The following CDK13 variants were observed in gnomAD, a reference collection of about 807,000 sequenced individuals.
CDK13 encodes the protein cyclin-dependent kinase 13.
A neutral mutation model predicts 137.6 loss-of-function variants in CDK13; 40 were observed. The observed-to-expected ratio is 0.29, with a 90% confidence interval of 0.23 to 0.38. The LOEUF is 0.38. Ranked by LOEUF, CDK13 falls within the 10% of genes least tolerant of loss-of-function variation. The pLI is 1.00. For missense variants in CDK13, 1,704 were observed against 1,951.8 expected (o/e 0.87, Z 2.39); for synonymous variants, 869 against 760.1 (o/e 1.14, Z -2.36).
intron 1 of CDK13, chr7:39,952,894 G>A (rs1421230106): frequency 6.6e-6 from 1 of 152,100 alleles, no homozygotes; most frequent in Non-Finnish European, 1.5e-5. Context: ...ACTAAGCAAA[G>A]TGCATTAAAA....
At position 39,950,525 on chromosome 7, in the gene CDK13, C is replaced by G; in HGVS notation, c.-117C>G. ...GGATTATCGTGGCGCTTTTCCCGGC[C>G]GGCTCTGGTGCTCGGTGTCCCTCCG... On this transcript the variant is annotated 5_prime_UTR_variant, in exon 1 of 14. Coordinates refer to ENST00000181839, the MANE Select transcript of CDK13 (RefSeq NM_003718.5). The G allele has an allele frequency of 7.9e-7, 1 of 1,266,712 alleles. No homozygotes were observed. The highest frequency in any genetic ancestry group is 2.8e-5 in the South Asian group (1 of 35,836). 78.5% of individuals were successfully genotyped at this position (1,266,712 alleles called of 1,614,324 possible).
chr7:40,073,719 G>A (rs904856931), intron 9 of CDK13: 1 of 150,754 alleles, frequency 6.6e-6, no homozygotes, highest in Non-Finnish European at 1.5e-5. Flanking sequence ...AGCCTCCTGA[G>A]TAACTGGGAC....
rs1423231645 is a variant in CDK13 at position 40,094,651 on chromosome 7, G to A, written c.4210G>A (p.Val1404Ile). 2.5e-6 allele frequency: 4 copies of A among 1,614,066 alleles called. No individual in the cohort carries two copies. In the African/African-American group the frequency reaches 4.0e-5, roughly 16 times the overall value. Residue 1404 changes from valine to isoleucine, a missense_variant, in exon 14 of 14, where the codon GTA becomes ATA. By Grantham distance (29) the Val-to-Ile change is conservative (BLOSUM62 3). Transcript: ENST00000181839. The stretch of plus-strand genomic sequence containing the variant: ...CTTTTCTGAGTCATTTCCCAGTTCA[G>A]TAGCTGGATATGGAGACATTTACCT... ...SAFSESFPSSVAGYGDIYLNA... is the reference protein window; with the variant it reads ...SAFSESFPSSIAGYGDIYLNA...
intron 7 of CDK13, among the ~76,000 whole-genome samples, chr7:40,052,200 G>A (rs548524801): frequency 2.6e-4 from 39 of 152,190 alleles, no homozygotes; most frequent in South Asian, 6.2e-4. Flanking sequence ...TTTATGAGAC[G>A]GAGTCTCACT....
At chr7:39,992,161 A>C (rs530160604) in intron 2 of CDK13, among the ~76,000 whole-genome samples, 1 of 51,172 alleles carries the variant, frequency 2.0e-5, no homozygotes, top group Non-Finnish European at 5.2e-5. Flanking sequence ...AGAACTAATG[A>C]GGGTGTGTGT....
At chr7:39,959,817 C>T (rs1787551064) in intron 1 of CDK13, among the ~76,000 whole-genome samples, 1 of 147,176 alleles carries the variant, frequency 6.8e-6, no homozygotes, top group Non-Finnish European at 1.5e-5. Flanking sequence ...GCAAGACCTA[C>T]TTGTGTGTTA....
Position 39,950,501 on chromosome 7 carries a change from G to T in CDK13, c.-141G>T, listed in dbSNP as rs932490802. The T allele has an allele frequency of 7.9e-6, 10 of 1,265,174 alleles. No homozygotes were observed. Among genetic ancestry groups the T allele is most frequent in the Non-Finnish European group, 9.9e-6 (10 of 1,006,436 alleles). The allele number at this position is 1,265,174 out of a possible 1,614,324, so 78.4% of individuals were successfully genotyped here. The stretch of plus-strand genomic sequence containing the variant: ...ACCCAGGGACCCGAGTCCCGACCCG[G>T]ATTATCGTGGCGCTTTTCCCGGCCG... On this transcript the variant is annotated 5_prime_UTR_variant, in exon 1 of 14. Coordinates refer to ENST00000181839, the MANE Select transcript of CDK13 (RefSeq NM_003718.5).
Position 39,950,787 on chromosome 7 carries a change from T to G in CDK13, c.146T>G (p.Leu49Arg), listed in dbSNP as rs1378858299. The change falls in exon 1 of 14, where the codon CTG (leucine) becomes CGG (arginine). Residue 49 changes from leucine to arginine, a missense_variant. This residue lies in a region of CDK13 where 1,051 missense variants were observed against 931.0 expected (regional missense o/e 1.13). Coordinates refer to ENST00000181839, the MANE Select transcript of CDK13 (RefSeq NM_003718.5). ...TTGCCGCTCCTGCAGCCGCAGCTCC[T>G]GCAACCGCCGCCGCCCCCGCCGCCT... ...LLLPLLQPQL[L>R]QPPPPPPPLL... The G allele has an allele frequency of 6.8e-7, 1 of 1,468,522 alleles. No homozygotes were observed. Among genetic ancestry groups the G allele is most frequent in the South Asian group, 1.3e-5 (1 of 76,716 alleles). The allele number at this position is 1,468,522 out of a possible 1,614,324, so 91.0% of individuals were successfully genotyped here.
At chr7:39,991,370 A>G (rs2116283545) in intron 2 of CDK13, among the ~76,000 whole-genome samples, 1 of 152,342 alleles carries the variant, frequency 6.6e-6, no homozygotes, top group African/African-American at 2.4e-5. Context: ...AATGGTCTGC[A>G]TAATCTCATT....
At chr7:40,070,593 T>A (rs1278847375) in intron 9 of CDK13, 1 of 150,510 alleles carries the variant, frequency 6.6e-6, no homozygotes, top group Non-Finnish European at 1.5e-5. Context: ...GCACCTGTAA[T>A]CCCAGCCGCT....
At chr7:39,996,649 T>G (rs1438765312) in intron 2 of CDK13, among the ~76,000 whole-genome samples, 1 of 152,158 alleles carries the variant, frequency 6.6e-6, no homozygotes, top group Non-Finnish European at 1.5e-5. Context: ...TCATGTGCTT[T>G]CTTTTATTTC....
At chr7:40,069,124 T>G (rs1049703085) in intron 9 of CDK13, among the ~76,000 whole-genome samples, 1 of 152,108 alleles carries the variant, frequency 6.6e-6, no homozygotes, top group African/African-American at 2.4e-5. Flanking sequence ...GCCTGAGCTA[T>G]TGGGAGGCTG....
At chr7:40,031,702 G>A (rs1348209228) in intron 5 of CDK13, among the ~76,000 whole-genome samples, 1 of 151,710 alleles carries the variant, frequency 6.6e-6, no homozygotes, top group East Asian at 1.9e-4. Flanking sequence ...CTGGAGTGTG[G>A]TGGCACAATC....
At chr7:39,989,170 A>G (rs1784406840) in intron 2 of CDK13, among the ~76,000 whole-genome samples, 1 of 151,230 alleles carries the variant, frequency 6.6e-6, no homozygotes, top group African/African-American at 2.4e-5. Context: ...TTCTATTATG[A>G]ACAGTGAGGG....
chr7:39,976,335 A>ACACC (rs1784111424), intron 1 of CDK13, among the ~76,000 whole-genome samples: 1 of 101,960 alleles, frequency 9.8e-6, no homozygotes, highest in Non-Finnish European at 2.3e-5. Flanking sequence ...ACACACACAC[A>ACACC]CACACACACA....
At chr7:39,960,719 C>T (rs1038048593) in intron 1 of CDK13, among the ~76,000 whole-genome samples, 5 of 151,988 alleles carry the variant, frequency 3.3e-5, no homozygotes, top group Admixed American at 6.5e-5. Context: ...GAATTACAGG[C>T]GCCTGCCACC....
chr7:40,029,726 C>T (rs991821931), intron 5 of CDK13, among the ~76,000 whole-genome samples: 2 of 151,912 alleles, frequency 1.3e-5, no homozygotes, highest in Admixed American at 6.6e-5. Flanking sequence ...GATCTTGGCT[C>T]ACCACAACCT....
In CDK13 at chr7:40,098,126, G is replaced by A. The variant is rs761994028; in HGVS notation, c.*3146G>A. On this transcript the variant is annotated 3_prime_UTR_variant, in exon 14 of 14. Coordinates refer to ENST00000181839, the MANE Select transcript of CDK13 (RefSeq NM_003718.5). ...AATTTTAAATTGAAATTTGGATAGA[G>A]ATGGTTATGGAGAGAAATCAAACAA... 5 of 152,090 alleles carry A rather than the reference G, an allele frequency of 3.3e-5. No individual in the cohort carries two copies. The highest frequency in any genetic ancestry group is 5.9e-5 in the Non-Finnish European group (4 of 67,970). 9.4% of individuals were successfully genotyped at this position (152,090 alleles called of 1,614,324 possible).
chr7:40,030,977 A>T (rs939167724), intron 5 of CDK13, among the ~76,000 whole-genome samples: 1 of 152,192 alleles, frequency 6.6e-6, no homozygotes, highest in African/African-American at 2.4e-5. Context: ...ATTTGTATGC[A>T]GGTTTTTGTG....
Sources: allele counts gnomAD v4.1 joint callset (sites outside exome capture counted in the v4.1 genomes callset), GRCh38; gene constraint gnomAD v4.1.1; regional missense constraint gnomAD v4.1.1; transcripts MANE v1.5; gene names NCBI Gene and HGNC (gene_info 2026-07-23, HGNC 2026-07-21).